CNTN5: variants seen among roughly 807,000 people sequenced by gnomAD.
The protein encoded by CNTN5 is contactin-5.
Under a neutral mutation model 129.1 loss-of-function variants are expected in CNTN5, and 77 were observed. The ratio of observed to expected loss-of-function variants is 0.60; its 90% CI spans 0.50 to 0.72. The LOEUF is 0.72. Ranked by LOEUF, CNTN5 falls within the 30% of genes least tolerant of loss-of-function variation. The pLI, the probability that CNTN5 is intolerant of heterozygous loss-of-function variation, is 0.00. For missense variants in CNTN5, 1,478 were observed against 1,328.8 expected (o/e 1.11, Z -1.75); for synonymous variants, 509 against 465.6 (o/e 1.09, Z -1.20).
At chr11:100,015,407 A>C (rs1047456829) in intron 9 of CNTN5, among the ~76,000 whole-genome samples, 3 of 152,274 alleles carry the variant, frequency 2.0e-5, no homozygotes, top group Admixed American at 2.0e-4. Flanking sequence ...TAACTTGCTA[A>C]TAACCATCAC....
chr11:99,860,438 G>C (rs1406903930), intron 6 of CNTN5, among the ~76,000 whole-genome samples: 1 of 152,116 alleles, frequency 6.6e-6, no homozygotes, highest in African/African-American at 2.4e-5. Context: ...TATAGCTATA[G>C]GTCTTACATT....
intron 3 of CNTN5, among the ~76,000 whole-genome samples, chr11:99,737,936 C>A (rs994807305): frequency 4.6e-5 from 7 of 152,008 alleles, no homozygotes; most frequent in South Asian, 2.1e-4. Flanking sequence ...AGCATAAAAT[C>A]TTTGAAATTG....
intron 3 of CNTN5, among the ~76,000 whole-genome samples, chr11:99,789,886 A>T (rs1403163607): frequency 6.6e-6 from 1 of 152,018 alleles, no homozygotes; most frequent in African/African-American, 2.4e-5. Flanking sequence ...GGTAGTGGGC[A>T]TACTACCCAA....
At chr11:99,873,104 G>A (rs1266632198) in intron 6 of CNTN5, among the ~76,000 whole-genome samples, 3 of 150,388 alleles carry the variant, frequency 2.0e-5, no homozygotes, top group East Asian at 2.0e-4. Flanking sequence ...CACCCAGGCA[G>A]GAGCTAGAAT....
chr11:99,560,268 GTAT>G (rs35741733), intron 3 of CNTN5, among the ~76,000 whole-genome samples: 46,850 of 141,686 alleles, frequency 0.33, 7,907 homozygotes, highest in Non-Finnish European at 0.38. Context: ...GAATCTAACT[GTAT>G]TATTATTATT....
chr11:99,396,083 C>T (rs765194480), intron 2 of CNTN5, among the ~76,000 whole-genome samples: 1 of 151,506 alleles, frequency 6.6e-6, no homozygotes, highest in African/African-American at 2.4e-5. Context: ...TGTGAAATAT[C>T]AATGGTAGTT....
At chr11:99,225,001 C>T (rs1860605677) in intron 1 of CNTN5, among the ~76,000 whole-genome samples, 2 of 152,072 alleles carry the variant, frequency 1.3e-5, no homozygotes, top group South Asian at 4.1e-4. Flanking sequence ...AGAGAGACGT[C>T]TTGAAGTTAG....
chr11:100,056,973 A>T (rs1482771878), intron 9 of CNTN5, among the ~76,000 whole-genome samples: 1 of 151,566 alleles, frequency 6.6e-6, no homozygotes, highest in Non-Finnish European at 1.5e-5. Flanking sequence ...TTTCCCAATA[A>T]CATGGAACTT....
intron 2 of CNTN5, among the ~76,000 whole-genome samples, chr11:99,440,304 C>T (rs1006781198): frequency 6.6e-6 from 1 of 151,902 alleles, no homozygotes. Flanking sequence ...TTCTTGTACA[C>T]CTAAAATGAC....
rs575897087 is a variant in CNTN5 at position 99,702,768 on chromosome 11, C to T, written c.56-116776C>T. 6.4e-4 allele frequency among the ~76,000 whole-genome samples: 96 copies of T among 150,956 alleles called. No individual in the cohort carries two copies. In the Middle Eastern group the frequency reaches 0.014, roughly 21 times the overall value. The stretch of plus-strand genomic sequence containing the variant: ...CATTTGAGTTAATTCAGGAATCCTC[C>T]AGAAGATCCATCTGTTTCCTATTCA... On this transcript the variant is annotated intron_variant, in intron 3 of 24. Coordinates refer to ENST00000524871, the MANE Select transcript of CNTN5 (RefSeq NM_014361.4).
chr11:99,090,084 C>T (rs1421087093), intron 1 of CNTN5, among the ~76,000 whole-genome samples: 7 of 152,100 alleles, frequency 4.6e-5, no homozygotes, highest in African/African-American at 1.2e-4. Flanking sequence ...ATACTTTTAA[C>T]CATGATGATT....
At chr11:99,170,417 A>T (rs900176267) in intron 1 of CNTN5, among the ~76,000 whole-genome samples, 1 of 152,170 alleles carries the variant, frequency 6.6e-6, no homozygotes, top group Non-Finnish European at 1.5e-5. Context: ...AATTTGCAAG[A>T]TGTCTAACCT....
chr11:99,754,801 A>C (rs1944354897), intron 3 of CNTN5, among the ~76,000 whole-genome samples: 1 of 152,068 alleles, frequency 6.6e-6, no homozygotes, highest in South Asian at 2.1e-4. Flanking sequence ...ATTAGGGTTC[A>C]CTCTTGGTGA....
chr11:99,278,416 C>T (rs1462106831), intron 1 of CNTN5, among the ~76,000 whole-genome samples: 2 of 151,524 alleles, frequency 1.3e-5, no homozygotes, highest in Non-Finnish European at 1.5e-5. Context: ...CACTGAAGCA[C>T]ATTTCCTAAA....
intron 1 of CNTN5, among the ~76,000 whole-genome samples, chr11:99,058,279 A>G (rs1864719575): frequency 1.3e-5 from 2 of 151,996 alleles, no homozygotes; most frequent in Non-Finnish European, 2.9e-5. Flanking sequence ...GCTATTAGGC[A>G]GCTAAGAGGC....
chr11:100,188,328 AGAGACCT>A (rs1327806399), intron 13 of CNTN5, among the ~76,000 whole-genome samples: 1 of 152,036 alleles, frequency 6.6e-6, no homozygotes, highest in Non-Finnish European at 1.5e-5. Context: ...GGGGGCGAGG[AGAGACCT>A]GAGGCAGGAG....
chr11:99,641,719 G>A (rs1393429283), intron 3 of CNTN5, among the ~76,000 whole-genome samples: 2 of 152,136 alleles, frequency 1.3e-5, no homozygotes, highest in Non-Finnish European at 2.9e-5. Context: ...TTAAGCAGGA[G>A]AGGTGGAACC....
chr11:99,838,613 T>C (rs1428036172), intron 4 of CNTN5, among the ~76,000 whole-genome samples: 2 of 152,212 alleles, frequency 1.3e-5, no homozygotes, highest in Admixed American at 6.5e-5. Context: ...CTGTCAGTTA[T>C]AGCTCCATTC....
chr11:99,123,005 T>C (rs1189422731), intron 1 of CNTN5, among the ~76,000 whole-genome samples: 1 of 152,168 alleles, frequency 6.6e-6, no homozygotes, highest in Non-Finnish European at 1.5e-5. Flanking sequence ...GTAATAAACA[T>C]ACATGTGCAT....
Sources: allele counts gnomAD v4.1 joint callset (sites outside exome capture counted in the v4.1 genomes callset), GRCh38; gene constraint gnomAD v4.1.1; transcripts MANE v1.5; gene names NCBI Gene and HGNC (gene_info 2026-07-23, HGNC 2026-07-21).